ZFYVE9: variants seen among roughly 807,000 people sequenced by gnomAD.
The protein encoded by ZFYVE9 is zinc finger FYVE-type containing 9, also known as zinc finger FYVE domain-containing protein 9.
In ZFYVE9, 43 loss-of-function variants were observed where a neutral mutation model predicts 126.7. The observed-to-expected ratio is 0.34, with a 90% CI of 0.27 to 0.44. The LOEUF (loss-of-function observed/expected upper bound fraction) is 0.44, where lower values mean the gene tolerates loss of function less well. Ranked by LOEUF, ZFYVE9 falls within the 20% of genes least tolerant of loss-of-function variation. The pLI, the probability that ZFYVE9 is intolerant of heterozygous loss-of-function variation, is 1.00. For synonymous variants in ZFYVE9, 521 were observed against 597.4 expected (o/e 0.87, Z 1.87); for missense variants, 1,476 against 1,697.0 (o/e 0.87, Z 2.29).
At chr1:52,196,553 C>T (rs1644862122) in intron 1 of ZFYVE9, among the ~76,000 whole-genome samples, 1 of 152,112 alleles carries the variant, frequency 6.6e-6, no homozygotes, top group African/African-American at 2.4e-5. Flanking sequence ...AGGAGAATCG[C>T]TTGAACCCAG....
At chr1:52,321,104 A>G (rs1569751825) in intron 13 of ZFYVE9, among the ~76,000 whole-genome samples, 1 of 152,238 alleles carries the variant, frequency 6.6e-6, no homozygotes, top group African/African-American at 2.4e-5. Context: ...TCCATCTTGT[A>G]TAGGACAGGC....
intron 1 of ZFYVE9, among the ~76,000 whole-genome samples, chr1:52,206,929 T>A (rs1056594837): frequency 6.6e-6 from 1 of 152,236 alleles, no homozygotes; most frequent in Non-Finnish European, 1.5e-5. Flanking sequence ...CAGTTTCATT[T>A]GATAAGTCTC....
At chr1:52,250,913 T>C (rs1386999533) in intron 4 of ZFYVE9, among the ~76,000 whole-genome samples, 1 of 151,982 alleles carries the variant, frequency 6.6e-6, no homozygotes, top group Non-Finnish European at 1.5e-5. Context: ...AGGTCTACTG[T>C]GTTGCCCAGG....
At chr1:52,194,710 T>C (rs542512082) in intron 1 of ZFYVE9, among the ~76,000 whole-genome samples, 70 of 152,264 alleles carry the variant, frequency 4.6e-4, no homozygotes, top group Admixed American at 1.7e-3. Context: ...ACTACCTTTC[T>C]CTCAAACTTT....
At chr1:52,252,731 C>A (rs1645463627) in intron 4 of ZFYVE9, 4 of 458,610 alleles carry the variant, frequency 8.7e-6, no homozygotes, top group Non-Finnish European at 1.8e-5. Flanking sequence ...GCAAATCCTG[C>A]AGCAGCAATG....
intron 4 of ZFYVE9, among the ~76,000 whole-genome samples, chr1:52,245,261 GAAA>G (rs913087182): frequency 2.4e-4 from 32 of 135,618 alleles, no homozygotes; most frequent in African/African-American, 8.1e-4. Context: ...GAAGCAAAAA[GAAA>G]AAAAAAAAGG....
chr1:52,275,948 G>A (rs887939862), intron 8 of ZFYVE9, among the ~76,000 whole-genome samples: 3 of 125,730 alleles, frequency 2.4e-5, no homozygotes, highest in South Asian at 2.4e-4. Flanking sequence ...TCACTCTGTC[G>A]CCAGGCTGGA....
intron 13 of ZFYVE9, among the ~76,000 whole-genome samples, chr1:52,316,165 C>CAAAAAAAAAAAAA (rs367815611): frequency 5.1e-5 from 2 of 39,212 alleles, no homozygotes; most frequent in Non-Finnish European, 8.7e-5. Flanking sequence ...AACTCCATCT[C>CAAAAAAAAAAAAA]AAAAAAAAAA....
chr1:52,240,343 T>C (rs555916064), intron 4 of ZFYVE9, among the ~76,000 whole-genome samples: 1 of 152,366 alleles, frequency 6.6e-6, no homozygotes, highest in East Asian at 1.9e-4. Flanking sequence ...CTATTAATTA[T>C]ATAACTTTAC....
Position 52,239,166 on chromosome 1 carries a change from A to G in ZFYVE9, c.1749A>G (p.Gln583=), listed in dbSNP as rs368120815. The part of the protein sequence containing the change: ...SVPFGGARPK[Q]PSNLKLQIPK... The stretch of plus-strand genomic sequence containing the variant: ...CTTTTGGTGGTGCAAGACCCAAGCA[A>G]CCTTCTAATCTTAAACTTCAAATTC... The change falls in exon 4 of 19, where the codon CAA becomes CAG. Residue 583 remains glutamine, a synonymous_variant. Transcript: ENST00000287727. 2.4e-5 allele frequency: 38 copies of G among 1,613,976 alleles called. No homozygotes were observed. Among genetic ancestry groups the G allele is most frequent in the Non-Finnish European group, 2.7e-5 (32 of 1,180,014 alleles).
chr1:52,346,502 T>C lies in ZFYVE9; in HGVS notation c.*281T>C. On this transcript the variant is annotated 3_prime_UTR_variant, in exon 19 of 19. Coordinates refer to ENST00000287727, the MANE Select transcript of ZFYVE9 (RefSeq NM_004799.4). ...ATCCTTGCAGCTAATCCCCTTCTGT[T>C]ACTGTTTAGACAAGAATTCCGCTCC... The C allele has an allele frequency of 4.8e-6, 2 of 417,140 alleles. No individual in the cohort carries two copies. Among genetic ancestry groups the C allele is most frequent in the Non-Finnish European group, 8.5e-6 (2 of 236,346 alleles). The allele number at this position is 417,140 out of a possible 1,614,324, so 25.8% of individuals were successfully genotyped here. A position where few individuals can be genotyped will look rare whatever the true frequency, so the allele number is the denominator to read the frequency against.
At chr1:52,195,415 T>G (rs1282590285) in intron 1 of ZFYVE9, among the ~76,000 whole-genome samples, 1 of 152,240 alleles carries the variant, frequency 6.6e-6, no homozygotes, top group Non-Finnish European at 1.5e-5. Context: ...CATTTCTTCA[T>G]TATCCATTCA....
chr1:52,296,963 C>T (rs540016821), intron 12 of ZFYVE9, among the ~76,000 whole-genome samples: 1 of 152,300 alleles, frequency 6.6e-6, no homozygotes, highest in Admixed American at 6.5e-5. Context: ...CACACTACCA[C>T]ACCCAGCTAA....
intron 13 of ZFYVE9, among the ~76,000 whole-genome samples, chr1:52,324,265 AC>A (rs1646269695): frequency 6.6e-6 from 1 of 151,890 alleles, no homozygotes; most frequent in Admixed American, 6.6e-5. Flanking sequence ...ACACACACAC[AC>A]ACACACAAAA....
intron 7 of ZFYVE9, among the ~76,000 whole-genome samples, chr1:52,269,866 C>T (rs746016820): frequency 6.6e-6 from 1 of 151,960 alleles, no homozygotes; most frequent in Non-Finnish European, 1.5e-5. Flanking sequence ...TGGCTCTCTG[C>T]AGCCTTAACG....
At chr1:52,176,358 T>A (rs1644628296) in intron 1 of ZFYVE9, among the ~76,000 whole-genome samples, 1 of 152,054 alleles carries the variant, frequency 6.6e-6, no homozygotes, top group African/African-American at 2.4e-5. Context: ...CCTCTGGAAG[T>A]TTTGTCTCAG....
Position 52,238,555 on chromosome 1 carries a change from A to G in ZFYVE9, c.1138A>G (p.Thr380Ala), listed in dbSNP as rs1279354298. The change falls in exon 4 of 19, where the codon ACT becomes GCT. Residue 380 changes from threonine to alanine, a missense_variant. This residue lies in a region of ZFYVE9 where 807 missense variants were observed against 794.6 expected (regional missense o/e 1.02). Coordinates refer to ENST00000287727, the MANE Select transcript of ZFYVE9 (RefSeq NM_004799.4). ...AAATGAAGGTTATGAACATGAAGAA[A>G]CTCTTGGCACTACAGAATTCCTTAA... ...DENEGYEHEE[T>A]LGTTEFLNMT... is the part of the protein sequence containing the mutation. 1 of 1,613,864 alleles carries G rather than the reference A, an allele frequency of 6.2e-7. No individual in the cohort carries two copies. The highest frequency in any genetic ancestry group is 1.3e-5 in the African/African-American group (1 of 74,898).
intron 2 of ZFYVE9, among the ~76,000 whole-genome samples, chr1:52,231,634 T>TA (rs1226351491): frequency 8.5e-5 from 13 of 152,062 alleles, no homozygotes; most frequent in African/African-American, 3.1e-4. Context: ...ATACTCTTTC[T>TA]TTTTTTGAGA....
intron 1 of ZFYVE9, among the ~76,000 whole-genome samples, chr1:52,163,180 A>G (rs1430369819): frequency 1.3e-5 from 2 of 152,138 alleles, no homozygotes; most frequent in African/African-American, 4.8e-5. Context: ...TTTTTCCCCC[A>G]TTCAATTTTA....
Sources: gnomAD v4.1 joint callset for allele counts (sites outside exome capture counted in the v4.1 genomes callset) on GRCh38, gnomAD v4.1.1 for gene constraint, gnomAD v4.1.1 regional missense constraint, MANE v1.5 for transcripts, NCBI Gene and HGNC (gene_info 2026-07-23, HGNC 2026-07-21) for gene names.